Variants in STPG2 observed in about 807,000 individuals in gnomAD.
STPG2 encodes the protein sperm tail PG-rich repeat containing 2, also known as sperm-tail PG-rich repeat-containing protein 2.
A neutral mutation model predicts 54.2 loss-of-function variants in STPG2; 56 were observed. The ratio of observed to expected loss-of-function variants is 1.03; its 90% CI spans 0.83 to 1.29. The LOEUF (loss-of-function observed/expected upper bound fraction) is 1.29, where lower values mean the gene tolerates loss of function less well. Among genes scored for constraint, STPG2 ranks in the 50% most tolerant of loss-of-function variants. STPG2 has a pLI of 0.00. For synonymous variants in STPG2, 200 were observed against 181.8 expected (o/e 1.10, Z -0.81); for missense variants, 596 against 544.9 (o/e 1.09, Z -0.93).
chr4:97,473,386 G>T (rs1483117010), intron 4 of STPG2, among the ~76,000 whole-genome samples: 1 of 152,142 alleles, frequency 6.6e-6, no homozygotes, highest in Non-Finnish European at 1.5e-5. Context: ...TGGCCCCCTT[G>T]GGTGTGGCCG....
chr4:97,943,342 C>T (rs940247102), intron 8 of STPG2, among the ~76,000 whole-genome samples: 1 of 152,076 alleles, frequency 6.6e-6, no homozygotes, highest in Non-Finnish European at 1.5e-5. Flanking sequence ...CTAAATTTTA[C>T]TTTGATATAT....
intron 8 of STPG2, among the ~76,000 whole-genome samples, chr4:97,942,133 A>ATATATACACACATATATATATT (rs1560601588): frequency 6.6e-6 from 1 of 150,398 alleles, no homozygotes; most frequent in Non-Finnish European, 1.5e-5. Flanking sequence ...AAATATATAT[A>ATATATACACACATATATATATT]TGTGTGTATA....
intron 8 of STPG2, among the ~76,000 whole-genome samples, chr4:97,926,204 T>C (rs1047142776): frequency 6.6e-6 from 1 of 152,082 alleles, no homozygotes; most frequent in Non-Finnish European, 1.5e-5. Flanking sequence ...GAAAATGAAG[T>C]TCATACTTCA....
At chr4:97,620,171 C>T (rs1733975534) in intron 10 of STPG2, among the ~76,000 whole-genome samples, 1 of 152,150 alleles carries the variant, frequency 6.6e-6, no homozygotes, top group African/African-American at 2.4e-5. Context: ...CACTAGACTT[C>T]AAGCTTCTTA....
intron 5 of STPG2, among the ~76,000 whole-genome samples, chr4:98,095,078 A>G (rs1738811178): frequency 6.6e-6 from 1 of 152,192 alleles, no homozygotes; most frequent in Admixed American, 6.5e-5. Context: ...TTATTTCTGC[A>G]TGTTATTTGC....
At chr4:97,950,945 A>C (rs1733441581) in intron 7 of STPG2, among the ~76,000 whole-genome samples, 1 of 152,080 alleles carries the variant, frequency 6.6e-6, no homozygotes, top group African/African-American at 2.4e-5. Flanking sequence ...ACCCTCCCCA[A>C]ATTGCTCCTG....
intron 9 of STPG2, among the ~76,000 whole-genome samples, chr4:97,825,714 T>TTA (rs1453609566): frequency 1.3e-5 from 2 of 152,176 alleles, no homozygotes; most frequent in Non-Finnish European, 2.9e-5. Flanking sequence ...GTCTGGGTAT[T>TTA]TATATATATT....
intron 4 of STPG2, among the ~76,000 whole-genome samples, chr4:97,462,055 T>A (rs901999016): frequency 3.3e-5 from 5 of 152,110 alleles, no homozygotes; most frequent in African/African-American, 1.2e-4. Context: ...CTACTTCTTC[T>A]TTTCTAGAAT....
In STPG2 at chr4:97,928,450, C is replaced by A. The variant is rs116423761; in HGVS notation, c.1044+15447G>T. 4.5e-3 allele frequency among the ~76,000 whole-genome samples: 683 copies of A among 152,244 alleles called. 5 individuals are homozygous for A. The highest frequency in any genetic ancestry group is 0.016 in the African/African-American group (654 of 41,544). ...GTGCCATTCCAAATGCATATTAAAT[C>A]ATTTGAGTACTACTTCTACTTTTAT... On this transcript the variant is annotated intron_variant, in intron 8 of 10. Coordinates refer to ENST00000295268, the MANE Select transcript of STPG2 (RefSeq NM_174952.3).
chr4:97,728,363 G>C (rs893786877), intron 9 of STPG2, among the ~76,000 whole-genome samples: 9 of 152,098 alleles, frequency 5.9e-5, no homozygotes, highest in African/African-American at 1.7e-4. Flanking sequence ...TTAGTAAAAA[G>C]ACCTTCCATT....
chr4:97,564,108 T>C (rs904405582), intron 10 of STPG2, among the ~76,000 whole-genome samples: 43 of 152,326 alleles, frequency 2.8e-4, no homozygotes, highest in Admixed American at 7.2e-4. Context: ...TTTATGAATG[T>C]AGGTGCTCCT....
At chr4:97,441,669 T>C (rs1729085371) in intron 4 of STPG2, 1 of 152,022 alleles carries the variant, frequency 6.6e-6, no homozygotes, top group Non-Finnish European at 1.5e-5. Context: ...CACAAAATAC[T>C]CTTTTTTTCT....
intron 7 of STPG2, among the ~76,000 whole-genome samples, chr4:97,957,954 A>G (rs1438137309): frequency 4.6e-5 from 7 of 152,160 alleles, no homozygotes; most frequent in African/African-American, 1.7e-4. Context: ...AAGCACATCA[A>G]AACAGAACCT....
chr4:98,061,406 A>T (rs569530604), intron 5 of STPG2, among the ~76,000 whole-genome samples: 1 of 152,270 alleles, frequency 6.6e-6, no homozygotes, highest in East Asian at 1.9e-4. Context: ...GAAGAGAGAG[A>T]GTGAAGGGGA....
chr4:97,979,003 T>C (rs1345865663), intron 6 of STPG2, among the ~76,000 whole-genome samples: 2 of 152,160 alleles, frequency 1.3e-5, no homozygotes, highest in Non-Finnish European at 2.9e-5. Context: ...TCAAAGGTGA[T>C]ACAAAATAGA....
chr4:97,958,192 C>A (rs1733755667), intron 7 of STPG2, among the ~76,000 whole-genome samples: 1 of 152,026 alleles, frequency 6.6e-6, no homozygotes, highest in Non-Finnish European at 1.5e-5. Flanking sequence ...TGCCTCTAAT[C>A]CCAGCTACTT....
chr4:97,763,710 A>G (rs1031983146), intron 9 of STPG2, among the ~76,000 whole-genome samples: 2 of 152,124 alleles, frequency 1.3e-5, no homozygotes, highest in African/African-American at 4.8e-5. Context: ...CTCCAGGCCC[A>G]TGGAGGGAAA....
At chr4:97,620,761 T>C (rs1733990475) in intron 10 of STPG2, among the ~76,000 whole-genome samples, 2 of 152,030 alleles carry the variant, frequency 1.3e-5, no homozygotes, top group South Asian at 2.1e-4. Flanking sequence ...CCAAGGATAT[T>C]CAGGACTTGA....
intron 9 of STPG2, among the ~76,000 whole-genome samples, chr4:97,739,053 A>C (rs1174724622): frequency 6.6e-6 from 1 of 152,044 alleles, no homozygotes; most frequent in East Asian, 1.9e-4. Flanking sequence ...CTCAGGATTA[A>C]GAAACTCACT....
Sources: gnomAD v4.1 joint callset for allele counts (sites outside exome capture counted in the v4.1 genomes callset) on GRCh38, gnomAD v4.1.1 for gene constraint, MANE v1.5 for transcripts, NCBI Gene and HGNC (gene_info 2026-07-23, HGNC 2026-07-21) for gene names.